Variants in NT5E observed in about 807,000 individuals in gnomAD.
NT5E encodes the protein 5'-nucleotidase ecto.
In NT5E, 53 loss-of-function variants were observed where a neutral mutation model predicts 55.1. The observed-to-expected ratio is 0.96, with a 90% confidence interval of 0.77 to 1.21. The LOEUF (loss-of-function observed/expected upper bound fraction) is 1.21, where lower values mean the gene tolerates loss of function less well. Among genes scored for constraint, NT5E ranks in the 50% most tolerant of loss-of-function variants. The probability of loss-of-function intolerance (pLI) is 0.00; values close to 1 mark genes in which losing one functional copy is unlikely to be tolerated. For missense variants in NT5E, 683 were observed against 724.3 expected (o/e 0.94, Z 0.65); for synonymous variants, 270 against 278.4 (o/e 0.97, Z 0.30).
At chr6:85,460,691 A>C (rs545172959) in intron 1 of NT5E, among the ~76,000 whole-genome samples, 1 of 152,132 alleles carries the variant, frequency 6.6e-6, no homozygotes, top group African/African-American at 2.4e-5. Context: ...CCACTTCTCC[A>C]TTTACTCTTT....
At chr6:85,481,262 T>C (rs1165936240) in intron 3 of NT5E, among the ~76,000 whole-genome samples, 1 of 152,132 alleles carries the variant, frequency 6.6e-6, no homozygotes, top group Non-Finnish European at 1.5e-5. Context: ...TACATAATTA[T>C]GCAAATAAAT....
Position 85,492,478 on chromosome 6 carries a change from T to G in NT5E, c.1561+301T>G, listed in dbSNP as rs566397818. The stretch of plus-strand genomic sequence containing the variant: ...TTGTGAAATATAAGTGAGTTTTGCA[T>G]TAACAGAAATATCACACCTCTGGAA... On this transcript the variant is annotated intron_variant, in intron 8 of 8. Coordinates refer to ENST00000257770, the MANE Select transcript of NT5E (RefSeq NM_002526.4). 2.6e-5 allele frequency among the ~76,000 whole-genome samples: 4 copies of G among 152,376 alleles called. No individual in the cohort carries two copies. In the South Asian group the frequency reaches 8.3e-4, roughly 32 times the overall value.
At chr6:85,474,298 C>A (rs566697703) in intron 3 of NT5E, among the ~76,000 whole-genome samples, 1 of 152,240 alleles carries the variant, frequency 6.6e-6, no homozygotes, top group Admixed American at 6.5e-5. Flanking sequence ...ATGTTCAGTA[C>A]AGATAAAACC....
chr6:85,476,783 C>A (rs543372010), intron 3 of NT5E, among the ~76,000 whole-genome samples: 3 of 152,146 alleles, frequency 2.0e-5, no homozygotes, highest in African/African-American at 7.2e-5. Context: ...GAGGTCCTAC[C>A]GTCAAGCCAT....
intron 3 of NT5E, among the ~76,000 whole-genome samples, chr6:85,481,475 G>A (rs1199715336): frequency 6.6e-6 from 1 of 152,210 alleles, no homozygotes; most frequent in African/African-American, 2.4e-5. Flanking sequence ...CATTTCCCTT[G>A]AGTCGAGTCA....
chr6:85,478,155 C>T (rs1769473617), intron 3 of NT5E, among the ~76,000 whole-genome samples: 1 of 152,204 alleles, frequency 6.6e-6, no homozygotes, highest in Non-Finnish European at 1.5e-5. Flanking sequence ...CCAGCCTGAG[C>T]ACCTGCTTCC....
chr6:85,465,116 G>T (rs1284377413), intron 1 of NT5E, among the ~76,000 whole-genome samples: 1 of 152,190 alleles, frequency 6.6e-6, no homozygotes, highest in East Asian at 1.9e-4. Context: ...ACCACATTGA[G>T]CACCATGAAT....
chr6:85,460,246 A>C (rs1277829719), intron 1 of NT5E, among the ~76,000 whole-genome samples: 4 of 152,142 alleles, frequency 2.6e-5, no homozygotes, highest in African/African-American at 9.7e-5. Flanking sequence ...TGCTAAGAAA[A>C]ACTTGTCCCT....
At chr6:85,478,661 TTAAG>T (rs1170830733) in intron 3 of NT5E, among the ~76,000 whole-genome samples, 5 of 152,004 alleles carry the variant, frequency 3.3e-5, no homozygotes, top group African/African-American at 1.2e-4. Flanking sequence ...GTTGTGGAGA[TTAAG>T]TGAGATAATA....
intron 3 of NT5E, among the ~76,000 whole-genome samples, chr6:85,483,956 A>C (rs1769598544): frequency 6.6e-6 from 1 of 152,148 alleles, no homozygotes; most frequent in South Asian, 2.1e-4. Context: ...GCCTCCTCCC[A>C]ACCCTCATCA....
At chr6:85,457,140 C>T (rs973573978) in intron 1 of NT5E, among the ~76,000 whole-genome samples, 1 of 152,208 alleles carries the variant, frequency 6.6e-6, no homozygotes, top group African/African-American at 2.4e-5. Context: ...CTGGATTCTT[C>T]TACTTCCGCT....
At chr6:85,452,725 C>G (rs1340244792) in intron 1 of NT5E, among the ~76,000 whole-genome samples, 2 of 152,198 alleles carry the variant, frequency 1.3e-5, no homozygotes, top group Non-Finnish European at 2.9e-5. Flanking sequence ...CTCTGCTGTA[C>G]TCCAGTATTG....
chr6:85,477,333 A>G (rs1769458438), intron 3 of NT5E, among the ~76,000 whole-genome samples: 1 of 151,982 alleles, frequency 6.6e-6, no homozygotes, highest in Admixed American at 6.6e-5. Flanking sequence ...TATTTGATTG[A>G]TCAGTTTTTT....
At chr6:85,461,803 C>T (rs1395072946) in intron 1 of NT5E, among the ~76,000 whole-genome samples, 1 of 152,078 alleles carries the variant, frequency 6.6e-6, no homozygotes. Flanking sequence ...CCTGGCACCC[C>T]TCTCTCTTCT....
chr6:85,478,587 C>T (rs1266297297), intron 3 of NT5E, among the ~76,000 whole-genome samples: 1 of 152,164 alleles, frequency 6.6e-6, no homozygotes, highest in African/African-American at 2.4e-5. Context: ...ACAAGTTACT[C>T]AACCACTCTG....
At chr6:85,453,094 A>G (rs749712537) in intron 1 of NT5E, among the ~76,000 whole-genome samples, 1 of 151,898 alleles carries the variant, frequency 6.6e-6, no homozygotes, top group Non-Finnish European at 1.5e-5. Flanking sequence ...AATCCTGGAG[A>G]CCCCCTGGAA....
rs1481825227 is a variant in NT5E, at chr6:85,487,323, T to C, written c.950-12T>C. 2 of 1,611,276 alleles carry C rather than the reference T, an allele frequency of 1.2e-6. No individual in the cohort carries two copies. The highest frequency in any genetic ancestry group is 2.2e-5 in the South Asian group (2 of 90,976). ...GATTTAATTGTAGGGTACCTTCTTT[T>C]CTTTCTTCTAGATCCAAGCATAAAA... On this transcript the variant is annotated splice_polypyrimidine_tract_variant and intron_variant, in intron 4 of 8. Coordinates refer to ENST00000257770, the MANE Select transcript of NT5E (RefSeq NM_002526.4).
At chr6:85,470,984 G>A (rs559643194) in intron 2 of NT5E, among the ~76,000 whole-genome samples, 2 of 152,278 alleles carry the variant, frequency 1.3e-5, no homozygotes, top group Admixed American at 6.5e-5. Flanking sequence ...CTCACAGTTT[G>A]CAACCAAGTT....
At chr6:85,475,386 T>C (rs1769409274) in intron 3 of NT5E, among the ~76,000 whole-genome samples, 1 of 152,232 alleles carries the variant, frequency 6.6e-6, no homozygotes, top group African/African-American at 2.4e-5. Flanking sequence ...CCCTTCCAAA[T>C]GTTGAAAGTT....
Sources: gnomAD v4.1 joint callset for allele counts (sites outside exome capture counted in the v4.1 genomes callset) on GRCh38, gnomAD v4.1.1 for gene constraint, MANE v1.5 for transcripts, NCBI Gene and HGNC (gene_info 2026-07-23, HGNC 2026-07-21) for gene names.